KHDRBS3: variants seen among roughly 807,000 people sequenced by gnomAD.
KHDRBS3 encodes KH RNA binding domain containing, signal transduction associated 3.
In KHDRBS3, 23 loss-of-function variants were observed where a neutral mutation model predicts 45.6. The observed-to-expected ratio is 0.50, with a 90% CI of 0.36 to 0.72. The LOEUF (loss-of-function observed/expected upper bound fraction) is 0.72. KHDRBS3 is among the 30% of genes least tolerant of loss of function. The pLI is 0.00. For synonymous variants in KHDRBS3, 162 were observed against 156.5 expected (o/e 1.04, Z -0.26); for missense variants, 352 against 424.8 (o/e 0.83, Z 1.51).
chr8:135,566,391 T>C (rs1281372413), intron 5 of KHDRBS3, among the ~76,000 whole-genome samples: 1 of 152,230 alleles, frequency 6.6e-6, no homozygotes, highest in Non-Finnish European at 1.5e-5. Flanking sequence ...TGAAATGTTA[T>C]AATAAAGCCA....
At chr8:135,491,541 T>G (rs891087661) in intron 1 of KHDRBS3, among the ~76,000 whole-genome samples, 1 of 152,200 alleles carries the variant, frequency 6.6e-6, no homozygotes, top group Non-Finnish European at 1.5e-5. Flanking sequence ...TACATTTAAT[T>G]TTAAACTACA....
intron 1 of KHDRBS3, among the ~76,000 whole-genome samples, chr8:135,487,629 G>A (rs902104636): frequency 2.6e-5 from 4 of 152,174 alleles, no homozygotes; most frequent in African/African-American, 7.2e-5. Context: ...CACAGGAATG[G>A]TACATTTGAG....
intron 5 of KHDRBS3, among the ~76,000 whole-genome samples, chr8:135,576,430 G>A (rs191676029): frequency 2.6e-5 from 4 of 152,174 alleles, no homozygotes; most frequent in African/African-American, 9.6e-5. Flanking sequence ...TGTCAGTGTG[G>A]ACTCATGGAT....
At chr8:135,625,137 C>A (rs1830301365) in intron 7 of KHDRBS3, 2 of 1,076,450 alleles carry the variant, frequency 1.9e-6, no homozygotes, top group African/African-American at 3.2e-5. Flanking sequence ...CAGTTAAGCA[C>A]ATGATTTGGA....
intron 6 of KHDRBS3, among the ~76,000 whole-genome samples, chr8:135,601,639 A>G (rs897313487): frequency 6.6e-6 from 1 of 152,188 alleles, no homozygotes; most frequent in Non-Finnish European, 1.5e-5. Flanking sequence ...AAAAATTTCA[A>G]ATATAAAGTA....
At chr8:135,463,818 G>A (rs756933809) in intron 1 of KHDRBS3, among the ~76,000 whole-genome samples, 4 of 152,222 alleles carry the variant, frequency 2.6e-5, no homozygotes, top group South Asian at 2.1e-4. Flanking sequence ...CACCAGTCCC[G>A]CTGAGTGAAG....
At chr8:135,605,113 GTC>G (rs1829398393) in intron 6 of KHDRBS3, among the ~76,000 whole-genome samples, 1 of 151,984 alleles carries the variant, frequency 6.6e-6, no homozygotes, top group African/African-American at 2.4e-5. Context: ...CTACATTTGA[GTC>G]TCTGAGTTTA....
intron 7 of KHDRBS3, among the ~76,000 whole-genome samples, chr8:135,619,557 A>G (rs1343651397): frequency 1.3e-5 from 2 of 152,352 alleles, no homozygotes; most frequent in East Asian, 3.9e-4. Flanking sequence ...TAAAATGGGG[A>G]TGACAATAAT....
At chr8:135,625,876 C>A in intron 7 of KHDRBS3, 1 of 771,666 alleles carries the variant, frequency 1.3e-6, no homozygotes, top group East Asian at 2.4e-5. Flanking sequence ...CACAGCTGTT[C>A]GATCTTTGTC....
chr8:135,605,860 C>CT (rs1179016274), intron 6 of KHDRBS3, among the ~76,000 whole-genome samples: 1 of 152,072 alleles, frequency 6.6e-6, no homozygotes, highest in African/African-American at 2.4e-5. Flanking sequence ...CTATTGACTG[C>CT]TTTTTTTCTT....
intron 2 of KHDRBS3, among the ~76,000 whole-genome samples, chr8:135,534,797 A>C (rs1393115732): frequency 2.0e-5 from 3 of 152,142 alleles, no homozygotes; most frequent in Admixed American, 6.5e-5. Context: ...ACACAATGCC[A>C]GCTCCAAGCC....
At chr8:135,542,793 G>T (rs1029055415) in intron 3 of KHDRBS3, 23 bp downstream of exon 3, 3 of 1,450,104 alleles carry the variant, frequency 2.1e-6, no homozygotes, top group Non-Finnish European at 2.9e-6. Flanking sequence ...ATAGAAAACG[G>T]CTAAGTTGTG....
At chr8:135,649,243 G>A (rs553096888), downstream of KHDRBS3, among the ~76,000 whole-genome samples, 2 of 152,152 alleles carry the variant, frequency 1.3e-5, no homozygotes, top group East Asian at 1.9e-4. Context: ...CTTCCAGAGA[G>A]TCTTACTTTT....
intron 1 of KHDRBS3, among the ~76,000 whole-genome samples, chr8:135,472,830 G>T (rs1822080295): frequency 6.6e-6 from 1 of 152,154 alleles, no homozygotes; most frequent in African/African-American, 2.4e-5. Flanking sequence ...TGACTTTGAA[G>T]TTGTGGCTGA....
In KHDRBS3 at chr8:135,536,999, G is replaced by GAAAAAAAAA. The variant is rs1375807666; in HGVS notation, c.208-5654_208-5653insAAAAAAAAA. 1.1e-3 allele frequency among the ~76,000 whole-genome samples: 31 copies of GAAAAAAAAA among 29,394 alleles called. 1 individual carries two copies. Among genetic ancestry groups the GAAAAAAAAA allele is most frequent in the East Asian group, 2.7e-3 (3 of 1,128 alleles). 19.3% of individuals were successfully genotyped at this position (29,394 alleles called of 152,430 possible). On this transcript the variant is annotated intron_variant, in intron 2 of 8. Coordinates refer to ENST00000355849, the MANE Select transcript of KHDRBS3 (RefSeq NM_006558.3). ...AAAAAAAAAAAAAAAAAAAAAAAAG[G>GAAAAAAAAA]AGATGTTTAGGAGGTAAAATCATTA... is the stretch of plus-strand genomic sequence containing the variant.
intron 7 of KHDRBS3, among the ~76,000 whole-genome samples, chr8:135,608,551 C>CAGCT (rs1272671936): frequency 2.0e-5 from 3 of 152,196 alleles, no homozygotes; most frequent in African/African-American, 7.2e-5. Flanking sequence ...TGTGACCGAA[C>CAGCT]AGCTGATAAA....
intron 7 of KHDRBS3, among the ~76,000 whole-genome samples, chr8:135,615,639 A>G (rs1391811958): frequency 6.6e-6 from 1 of 152,230 alleles, no homozygotes; most frequent in African/African-American, 2.4e-5. Context: ...TTATAAAGTT[A>G]TTGGAAGAGT....
chr8:135,520,513 T>G (rs1345874185), intron 1 of KHDRBS3, among the ~76,000 whole-genome samples: 1 of 152,196 alleles, frequency 6.6e-6, no homozygotes, highest in African/African-American at 2.4e-5. Flanking sequence ...GTAGCACATT[T>G]TTTTTTCCAT....
At chr8:135,545,666 T>C (rs1322683612) in intron 3 of KHDRBS3, among the ~76,000 whole-genome samples, 11 of 152,126 alleles carry the variant, frequency 7.2e-5, no homozygotes, top group Non-Finnish European at 1.6e-4. Context: ...CAGTCTGTCA[T>C]TTTCTCTCTA....
Sources: gnomAD v4.1 joint callset for allele counts (sites outside exome capture counted in the v4.1 genomes callset) on GRCh38, gnomAD v4.1.1 for gene constraint, MANE v1.5 for transcripts, NCBI Gene and HGNC (gene_info 2026-07-23, HGNC 2026-07-21) for gene names.